The following KCNMA1 variants were observed in gnomAD, a reference collection of about 807,000 sequenced individuals.
KCNMA1 encodes the protein potassium calcium-activated channel subfamily M alpha 1, also known as Calcium-activated potassium channel subunit alpha-1.
KCNMA1 carries 29 observed loss-of-function variants against 140.0 expected under a neutral mutation model. The ratio of observed to expected loss-of-function variants is 0.21; its 90% CI spans 0.15 to 0.28. KCNMA1 has a LOEUF of 0.28. Ranked by LOEUF, KCNMA1 falls within the 10% of genes least tolerant of loss-of-function variation. KCNMA1 has a pLI of 1.00. For missense variants in KCNMA1, 880 were observed against 1,602.2 expected (o/e 0.55, Z 7.70); for synonymous variants, 612 against 611.9 (o/e 1.00, Z 0.00).
chr10:76,965,854 A>G (rs933702380), intron 20 of KCNMA1, among the ~76,000 whole-genome samples: 2 of 152,176 alleles, frequency 1.3e-5, no homozygotes, highest in African/African-American at 4.8e-5. Context: ...TTAGTTGAGC[A>G]TTCTCCTCAT....
At chr10:77,031,071 A>T (rs2093903338) in intron 15 of KCNMA1, among the ~76,000 whole-genome samples, 1 of 152,232 alleles carries the variant, frequency 6.6e-6, no homozygotes, top group Non-Finnish European at 1.5e-5. Flanking sequence ...CAACTAGGTC[A>T]AGGTCAATTG....
chr10:77,564,230 G>A (rs1201500598), intron 1 of KCNMA1, among the ~76,000 whole-genome samples: 2 of 152,216 alleles, frequency 1.3e-5, no homozygotes, highest in Non-Finnish European at 2.9e-5. Context: ...CTTCCTGCAA[G>A]AGGAAGGCTT....
chr10:77,080,075 C>A (rs913787423), intron 12 of KCNMA1, among the ~76,000 whole-genome samples: 2 of 152,090 alleles, frequency 1.3e-5, no homozygotes, highest in Non-Finnish European at 2.9e-5. Flanking sequence ...AAAGAGGAAA[C>A]CCTTTAATAT....
At chr10:77,505,725 G>A (rs2045575580) in intron 1 of KCNMA1, among the ~76,000 whole-genome samples, 1 of 152,228 alleles carries the variant, frequency 6.6e-6, no homozygotes, top group Admixed American at 6.5e-5. Context: ...GGAGATCTTT[G>A]AGCACCAAGA....
At chr10:77,302,457 C>A (rs1422492494) in intron 2 of KCNMA1, among the ~76,000 whole-genome samples, 2 of 152,156 alleles carry the variant, frequency 1.3e-5, no homozygotes, top group Non-Finnish European at 2.9e-5. Flanking sequence ...CGGGTCCAGG[C>A]CCACTGTAGG....
intron 14 of KCNMA1, chr10:77,064,158 G>GTTT: frequency 1.0e-6 from 1 of 971,282 alleles, no homozygotes; most frequent in Non-Finnish European, 1.2e-6. Flanking sequence ...AAAACCAAGA[G>GTTT]GAAAATATTA....
intron 3 of KCNMA1, among the ~76,000 whole-genome samples, chr10:77,218,297 A>G (rs934319718): frequency 2.0e-5 from 3 of 152,156 alleles, no homozygotes; most frequent in Non-Finnish European, 2.9e-5. Flanking sequence ...CATTTAAACC[A>G]TTTAAACCAT....
chr10:76,891,750 C>T (rs2040138892), intron 25 of KCNMA1, 31 bp from the exon 26 acceptor site: 4 of 1,584,240 alleles, frequency 2.5e-6, no homozygotes, highest in East Asian at 4.5e-5. Context: ...AGGGAAAAGT[C>T]CTTTAAGCAA....
At chr10:77,439,882 CT>C (rs759289964) in intron 1 of KCNMA1, among the ~76,000 whole-genome samples, 4 of 152,194 alleles carry the variant, frequency 2.6e-5, no homozygotes, top group Non-Finnish European at 5.9e-5. Flanking sequence ...TCCTGGAGTC[CT>C]GCAGAGTGGT....
chr10:77,191,394 C>T (rs1011556916), intron 3 of KCNMA1, among the ~76,000 whole-genome samples: 1 of 152,102 alleles, frequency 6.6e-6, no homozygotes, highest in Non-Finnish European at 1.5e-5. Context: ...GACAACACCC[C>T]AAGACTGCCC....
chr10:77,562,227 T>C (rs1408158635), intron 1 of KCNMA1, among the ~76,000 whole-genome samples: 1 of 152,238 alleles, frequency 6.6e-6, no homozygotes, highest in Non-Finnish European at 1.5e-5. Flanking sequence ...CTCAGGATCT[T>C]CAGAGAGGCT....
chr10:77,590,205 C>T (rs1189344923), intron 1 of KCNMA1, among the ~76,000 whole-genome samples: 1 of 152,260 alleles, frequency 6.6e-6, no homozygotes, highest in Non-Finnish European at 1.5e-5. Context: ...GACTCAGGAG[C>T]CCAGCTGGCT....
At chr10:77,508,745 A>C (rs1002914704) in intron 1 of KCNMA1, among the ~76,000 whole-genome samples, 5 of 151,756 alleles carry the variant, frequency 3.3e-5, no homozygotes, top group Admixed American at 3.3e-4. Flanking sequence ...ATCACCATCC[A>C]CGTCCAGAAT....
intron 1 of KCNMA1, among the ~76,000 whole-genome samples, chr10:77,579,801 C>A (rs1018260215): frequency 3.9e-5 from 6 of 152,104 alleles, no homozygotes; most frequent in Admixed American, 3.9e-4. Context: ...CAGAAGGGAT[C>A]CCAGCAAAGG....
intron 3 of KCNMA1, among the ~76,000 whole-genome samples, chr10:77,240,219 T>A (rs1270091334): frequency 1.3e-5 from 2 of 152,158 alleles, no homozygotes; most frequent in South Asian, 2.1e-4. Context: ...ACAAACAGAG[T>A]GTATGTTTAT....
chr10:77,033,075 C>T (rs1251385317), intron 15 of KCNMA1, among the ~76,000 whole-genome samples: 13 of 152,066 alleles, frequency 8.5e-5, no homozygotes, highest in Admixed American at 8.5e-4. Flanking sequence ...AGCACCAGCC[C>T]CTCTTCAGCT....
intron 1 of KCNMA1, among the ~76,000 whole-genome samples, chr10:77,578,317 A>G (rs949836645): frequency 6.6e-6 from 1 of 152,234 alleles, no homozygotes; most frequent in African/African-American, 2.4e-5. Context: ...GCCGCTGATC[A>G]GCCCGGTGGC....
intron 1 of KCNMA1, among the ~76,000 whole-genome samples, chr10:77,496,937 A>G: frequency 6.6e-6 from 1 of 151,996 alleles, no homozygotes. Context: ...CCCTACCCAC[A>G]CTACCTTGCT....
chr10:77,546,859 G>GTCGGGC (rs1404999442), intron 1 of KCNMA1, among the ~76,000 whole-genome samples: 1 of 152,162 alleles, frequency 6.6e-6, no homozygotes, highest in African/African-American at 2.4e-5. Flanking sequence ...CCTACTATGT[G>GTCGGGC]TCGGGCTCTG....
Sources: allele counts gnomAD v4.1 joint callset (sites outside exome capture counted in the v4.1 genomes callset), GRCh38; gene constraint gnomAD v4.1.1; transcripts MANE v1.5; gene names NCBI Gene and HGNC (gene_info 2026-07-23, HGNC 2026-07-21).